ADCY5: variants seen among roughly 807,000 people sequenced by gnomAD.
ADCY5 encodes adenylate cyclase 5, also known as adenylate cyclase type 5.
Under a neutral mutation model 119.7 loss-of-function variants are expected in ADCY5, and 30 were observed. That is an observed-to-expected ratio of 0.25 (90% CI 0.19 to 0.34). ADCY5 has a LOEUF of 0.34. Ranked by LOEUF, ADCY5 falls within the 10% of genes least tolerant of loss-of-function variation. The pLI is 1.00. For synonymous variants in ADCY5, 753 were observed against 762.2 expected (o/e 0.99, Z 0.20); for missense variants, 1,324 against 1,775.2 (o/e 0.75, Z 4.57).
At chr3:123,413,868 G>C (rs941849605) in intron 1 of ADCY5, among the ~76,000 whole-genome samples, 3 of 152,170 alleles carry the variant, frequency 2.0e-5, no homozygotes, top group Non-Finnish European at 4.4e-5. Flanking sequence ...GGGGTGGGGG[G>C]GCTGCAGAAC....
chr3:123,333,524 G>A (rs954701236), intron 3 of ADCY5, among the ~76,000 whole-genome samples: 1 of 152,260 alleles, frequency 6.6e-6, no homozygotes, highest in Non-Finnish European at 1.5e-5. Context: ...CCTGGCACTG[G>A]AGGGCCGAGG....
intron 3 of ADCY5, among the ~76,000 whole-genome samples, chr3:123,344,457 T>C (rs956084038): frequency 3.3e-5 from 5 of 152,196 alleles, no homozygotes; most frequent in African/African-American, 1.2e-4. Context: ...CTAAGCACTT[T>C]CCCCACATTA....
chr3:123,304,504 G>T (rs569297146), intron 12 of ADCY5, among the ~76,000 whole-genome samples: 25 of 152,140 alleles, frequency 1.6e-4, no homozygotes, highest in Non-Finnish European at 3.2e-4. Context: ...ACATTGACCC[G>T]CTGTGTGCCA....
At chr3:123,424,011 C>T (rs1289466391) in intron 1 of ADCY5, among the ~76,000 whole-genome samples, 1 of 152,234 alleles carries the variant, frequency 6.6e-6, no homozygotes, top group Non-Finnish European at 1.5e-5. Context: ...CCATGCTGGC[C>T]TTTGAGCATC....
At chr3:123,367,956 C>G (rs1943505894) in intron 1 of ADCY5, 6 of 1,535,534 alleles carry the variant, frequency 3.9e-6, no homozygotes, top group Non-Finnish European at 5.2e-6. Context: ...TGGGACAGGC[C>G]TGGGCCCTAC....
chr3:123,406,039 A>T (rs1005690721), intron 1 of ADCY5, among the ~76,000 whole-genome samples: 1 of 152,166 alleles, frequency 6.6e-6, no homozygotes, highest in Non-Finnish European at 1.5e-5. Context: ...ACAGTAAATG[A>T]CTTGCTTGTG....
Position 123,286,814 on chromosome 3 carries a change from A to C in ADCY5, c.3533-5T>G. 1 of 1,594,124 alleles carries C rather than the reference A, an allele frequency of 6.3e-7. No homozygotes were observed. Among genetic ancestry groups the C allele is most frequent in the Non-Finnish European group, 8.5e-7 (1 of 1,171,658 alleles). On this transcript the variant is annotated splice_polypyrimidine_tract_variant and splice_region_variant and intron_variant, in intron 19 of 20. Transcript: ENST00000462833. The surrounding 1 kb of genome is among the most constrained non-coding windows in gnomAD (Gnocchi z 4.2). ...CCACGGGGCCGATGTTGAGCCCTGC[A>C]GGGGACAGGAATCAGCCACAGTCAT...
intron 19 of ADCY5, among the ~76,000 whole-genome samples, chr3:123,288,551 A>G (rs1169753629): frequency 6.6e-6 from 1 of 152,212 alleles, no homozygotes; most frequent in African/African-American, 2.4e-5. Context: ...ACCTATTCTA[A>G]GGACAAACAA....
Position 123,310,103 on chromosome 3 carries a change from TACACACACACAC to T in ADCY5, c.2442+4120_2442+4131del, listed in dbSNP as rs60966110. Among the ~76,000 whole-genome samples the T allele has an allele frequency of 5.4e-3, 649 of 121,210 alleles. 7 individuals are homozygous for T. Among genetic ancestry groups the T allele is most frequent in the African/African-American group, 0.013 (410 of 32,508 alleles). The allele number at this position is 121,210 out of a possible 152,430, so 79.5% of individuals were successfully genotyped here. On this transcript the variant is annotated intron_variant, in intron 12 of 20. Coordinates refer to ENST00000462833, the MANE Select transcript of ADCY5 (RefSeq NM_183357.3). ...GGCTGGGGGATAAGAGAGAGAGATT[TACACACACACAC>T]ACACACACACACACACACACACACA...
intron 3 of ADCY5, among the ~76,000 whole-genome samples, chr3:123,340,854 G>C (rs565682328): frequency 1.3e-5 from 2 of 152,210 alleles, no homozygotes; most frequent in South Asian, 4.2e-4. Flanking sequence ...GCCAGGCATG[G>C]TGGCTCACTT....
chr3:123,290,283 A>T (rs1279963971), intron 18 of ADCY5, among the ~76,000 whole-genome samples: 3 of 152,028 alleles, frequency 2.0e-5, no homozygotes, highest in Non-Finnish European at 4.4e-5. Context: ...ACCCAGGGAA[A>T]CCTCCATTTG....
chr3:123,346,990 G>A (rs1172781847), intron 3 of ADCY5, among the ~76,000 whole-genome samples: 1 of 152,184 alleles, frequency 6.6e-6, no homozygotes, highest in African/African-American at 2.4e-5. Context: ...GTCTAGGGAG[G>A]CGGCAAACAC....
rs886819614 is a variant in ADCY5 at position 123,283,746 on chromosome 3, C to CTAAT, written c.*858_*861dup. On this transcript the variant is annotated 3_prime_UTR_variant, in exon 21 of 21. Transcript: ENST00000462833. ...CCGCCCTGCTGTGCACAGCTGTTTT[C>CTAAT]TAATATAGAGAATTTACAAAATATA... The CTAAT allele has an allele frequency of 6.6e-6, 1 of 151,914 alleles. No homozygotes were observed. The highest frequency in any genetic ancestry group is 1.5e-5 in the Non-Finnish European group (1 of 67,942). 9.4% of individuals were successfully genotyped at this position (151,914 alleles called of 1,614,324 possible).
chr3:123,325,860 G>A (rs562872330), intron 7 of ADCY5, among the ~76,000 whole-genome samples: 2 of 152,240 alleles, frequency 1.3e-5, no homozygotes, highest in Admixed American at 6.5e-5. Flanking sequence ...CCAGCTGCCC[G>A]CACTGTGCTT....
chr3:123,387,088 G>A (rs920408588), intron 1 of ADCY5, among the ~76,000 whole-genome samples: 3 of 152,074 alleles, frequency 2.0e-5, no homozygotes, highest in Non-Finnish European at 2.9e-5. Flanking sequence ...TTAAATTACC[G>A]GGTTCAAGGC....
rs1559772289 is a variant in ADCY5, at chr3:123,283,856, GCCCT to G, written c.*748_*751del. ...ACAAAAAAGACAAGTGGGGATCCCC[GCCCT>G]CCCCCCGAGTGGCGTCCTCGTTTGC... On this transcript the variant is annotated 3_prime_UTR_variant, in exon 21 of 21. Coordinates refer to ENST00000462833, the MANE Select transcript of ADCY5 (RefSeq NM_183357.3). The G allele has an allele frequency of 6.6e-6, 1 of 152,154 alleles. No homozygotes were observed. Among genetic ancestry groups the G allele is most frequent in the African/African-American group, 2.4e-5 (1 of 41,426 alleles). The allele number at this position is 152,154 out of a possible 1,614,324, so 9.4% of individuals were successfully genotyped here.
intron 19 of ADCY5, among the ~76,000 whole-genome samples, chr3:123,288,273 C>T (rs1938913031): frequency 6.6e-6 from 1 of 152,316 alleles, no homozygotes; most frequent in East Asian, 1.9e-4. Flanking sequence ...TCCAATATTT[C>T]GGTATAATGT....
At chr3:123,296,879 AC>A in intron 16 of ADCY5, 1 of 950,716 alleles carries the variant, frequency 1.1e-6, no homozygotes, top group South Asian at 1.9e-5. Flanking sequence ...CAAGAGCTCA[AC>A]CCCTGGAAGG....
intron 1 of ADCY5, among the ~76,000 whole-genome samples, chr3:123,360,979 A>G (rs1943227599): frequency 6.6e-6 from 1 of 152,228 alleles, no homozygotes; most frequent in Non-Finnish European, 1.5e-5. Context: ...AAGCTGCAGA[A>G]CTGGGATCAC....
Sources: allele counts gnomAD v4.1 joint callset (sites outside exome capture counted in the v4.1 genomes callset), GRCh38; gene constraint gnomAD v4.1.1; non-coding constraint Gnocchi (gnomAD v3.1); transcripts MANE v1.5; gene names NCBI Gene and HGNC (gene_info 2026-07-23, HGNC 2026-07-21).